COG2: variants seen among roughly 807,000 people sequenced by gnomAD.
COG2 encodes conserved oligomeric Golgi complex subunit 2.
Under a neutral mutation model 90.6 loss-of-function variants are expected in COG2, and 52 were observed. That is an observed-to-expected ratio of 0.57 (90% CI 0.46 to 0.72). COG2 has a LOEUF of 0.72. COG2 is among the 30% of genes least tolerant of loss of function. COG2 has a pLI of 0.00. For synonymous variants in COG2, 337 were observed against 320.4 expected, an observed-to-expected ratio of 1.05 and a Z score of -0.55; for missense variants, 829 against 891.2, an observed-to-expected ratio of 0.93 and a Z score of 0.89.
Position 230,671,764 on chromosome 1 carries a change from T to C in COG2, c.899+124T>C, listed in dbSNP as rs532526060. On this transcript the variant is annotated intron_variant, in intron 8 of 17. Transcript: ENST00000366669. ...GTCTTGTATGAATCCATTATGAATCTTGTTATTTCATTGTTTCTACTGGTG... is the reference window on the plus strand; with the variant it reads ...GTCTTGTATGAATCCATTATGAATCCTGTTATTTCATTGTTTCTACTGGTG... 2.6e-5 allele frequency: 23 copies of C among 874,318 alleles called. No homozygotes were observed. The East Asian group carries it at 5.4e-4, about 21-fold the overall frequency. 54.2% of individuals were successfully genotyped at this position (874,318 alleles called of 1,614,324 possible). A position where few individuals can be genotyped will look rare whatever the true frequency, so the allele number is the denominator to read the frequency against.
chr1:230,689,972 T>C lies in COG2; in HGVS notation c.1795-42T>C, dbSNP rs776701851. ...GGGTAACTTACTGTTTCTTTTCTGT[T>C]TTTTTCCTGTGCATCTTTATCTCCT... On this transcript the variant is annotated intron_variant, in intron 15 of 17. Transcript: ENST00000366669. The C allele has an allele frequency of 1.8e-5, 27 of 1,523,736 alleles. No homozygotes were observed. The African/African-American group carries it at 3.2e-4, about 18-fold the overall frequency. 94.4% of individuals were successfully genotyped at this position (1,523,736 alleles called of 1,614,324 possible).
intron 5 of COG2, among the ~76,000 whole-genome samples, chr1:230,667,146 C>G (rs1352512431): frequency 6.6e-6 from 1 of 152,146 alleles, no homozygotes; most frequent in Non-Finnish European, 1.5e-5. Flanking sequence ...CTATAAGGCC[C>G]CTGACATCTT....
At chr1:230,659,414 C>A in intron 1 of COG2, 50 bp from the exon 2 acceptor site, 1 of 1,401,138 alleles carries the variant, frequency 7.1e-7, no homozygotes, top group Non-Finnish European at 1.0e-6. Context: ...TTGTATATGT[C>A]ACTGTGATAT....
intron 2 of COG2, among the ~76,000 whole-genome samples, chr1:230,660,309 A>G (rs1303276556): frequency 6.6e-6 from 1 of 152,234 alleles, no homozygotes; most frequent in African/African-American, 2.4e-5. Context: ...TAGTAGGATT[A>G]GAAACCTAGA....
chr1:230,666,466 A>G (rs1662325964), intron 5 of COG2, among the ~76,000 whole-genome samples: 1 of 152,118 alleles, frequency 6.6e-6, no homozygotes, highest in Non-Finnish European at 1.5e-5. Context: ...TCTCTAGGAC[A>G]ACTAACCCTA....
chr1:230,674,606 G>A (rs1210454665), intron 8 of COG2, among the ~76,000 whole-genome samples: 2 of 152,242 alleles, frequency 1.3e-5, no homozygotes, highest in Non-Finnish European at 2.9e-5. Context: ...TTACAATGCT[G>A]TGTGGTTTAG....
At position 230,685,178 on chromosome 1, in the gene COG2, A is replaced by G. The variant is rs1315811243; in HGVS notation, c.1322A>G (p.His441Arg). Residue 441 changes from histidine to arginine, a missense_variant, in exon 12 of 18, where the codon CAT becomes CGT. Coordinates refer to ENST00000366669, the MANE Select transcript of COG2 (RefSeq NM_007357.3). ...GAGATGTTCTTGCCATTACTGGTGC[A>G]TCGCCTGTGGAGACTCACTCTGCAG... is the stretch of plus-strand genomic sequence containing the variant. Reference protein sequence around the residue: ...SDEMFLPLLVHRLWRLTLQIL... With the variant: ...SDEMFLPLLVRRLWRLTLQIL... The G allele has an allele frequency of 6.2e-7, 1 of 1,614,058 alleles. No individual in the cohort carries two copies. The highest frequency in any genetic ancestry group is 8.5e-7 in the Non-Finnish European group (1 of 1,180,034).
intron 16 of COG2, among the ~76,000 whole-genome samples, chr1:230,691,152 C>T (rs1663015168): frequency 6.6e-6 from 1 of 150,530 alleles, no homozygotes; most frequent in African/African-American, 2.5e-5. Context: ...ATGTTAGACA[C>T]TTAAGACCAT....
intron 13 of COG2, 177 bp from the exon 14 acceptor site, chr1:230,687,894 T>C (rs1662919650): frequency 1.3e-5 from 7 of 553,820 alleles, no homozygotes; most frequent in Non-Finnish European, 2.2e-5. Flanking sequence ...GTTGTTGAAA[T>C]CTTTTTATAG....
At chr1:230,661,629 ATAG>A (rs377707977) in intron 3 of COG2, 1 of 152,306 alleles carries the variant, frequency 6.6e-6, no homozygotes, top group Non-Finnish European at 1.5e-5. Context: ...TCCCTGGCAC[ATAG>A]TATGCTCACA....
At position 230,687,098 on chromosome 1, in the gene COG2, A is replaced by G. The variant is rs1214296298; in HGVS notation, c.1544A>G (p.Tyr515Cys). The G allele has an allele frequency of 1.2e-6, 2 of 1,613,166 alleles. No homozygotes were observed. Among genetic ancestry groups the G allele is most frequent in the African/African-American group, 1.3e-5 (1 of 75,050 alleles). The change falls in exon 13 of 18, where the codon TAT becomes TGT. Residue 515 changes from tyrosine (Y) to cysteine (C), a missense_variant. Physicochemically the swap from Tyr to Cys is radical, Grantham distance 194 (BLOSUM62 -2). Coordinates refer to ENST00000366669, the MANE Select transcript of COG2 (RefSeq NM_007357.3). ...TCCATTTCCCGCACTCAGCTCGTGT[A>G]TGTGGTTGCAGACCTGGACAAGCTT... is the stretch of plus-strand genomic sequence containing the variant. ...VVSISRTQLV[Y>C]VVADLDKLQE...
Position 230,690,000 on chromosome 1 carries a change from C to T in COG2, c.1795-14C>T. On this transcript the variant is annotated splice_polypyrimidine_tract_variant and intron_variant, in intron 15 of 17. Transcript: ENST00000366669. ...TTTCCTGTGCATCTTTATCTCCTAC[C>T]ATCATCATTCCAGGAGGTCCCAACC... The T allele has an allele frequency of 6.4e-7, 1 of 1,568,636 alleles. No homozygotes were observed. The highest frequency in any genetic ancestry group is 8.6e-7 in the Non-Finnish European group (1 of 1,159,934).
In COG2 at chr1:230,693,233, T is replaced by TCC. The variant is rs374730558; in HGVS notation, c.2116-52_2116-51dup. The TCC allele has an allele frequency of 1.7e-5, 16 of 969,428 alleles. No individual in the cohort carries two copies. The African/African-American group carries it at 1.7e-4, about 10-fold the overall frequency. The allele number at this position is 969,428 out of a possible 1,614,324, so 60.1% of individuals were successfully genotyped here. ...GGATGAAGATTTTCTTTCTTTTTTT[T>TCC]CCCCCCCCATATTCAGCTTGAATTG... On this transcript the variant is annotated intron_variant, in intron 17 of 17. Coordinates refer to ENST00000366669, the MANE Select transcript of COG2 (RefSeq NM_007357.3).
chr1:230,643,916 G>A (rs183833267), intron 1 of COG2, among the ~76,000 whole-genome samples: 1 of 152,186 alleles, frequency 6.6e-6, no homozygotes, highest in Non-Finnish European at 1.5e-5. Flanking sequence ...AAGGGTACAT[G>A]CTGGGGAGAG....
chr1:230,691,528 G>T lies in COG2; in HGVS notation c.2079G>T (p.Leu693=). The T allele has an allele frequency of 6.2e-7, 1 of 1,614,106 alleles. No individual in the cohort carries two copies. Among genetic ancestry groups the T allele is most frequent in the African/African-American group, 1.3e-5 (1 of 75,044 alleles). The change falls in exon 17 of 18, where the codon CTG becomes CTT. Residue 693 remains leucine (L), a synonymous_variant. Coordinates refer to ENST00000366669, the MANE Select transcript of COG2 (RefSeq NM_007357.3). ...TGAGCGACGACGACAAAATCAGGCT[G>T]CAGTTGGCCCTAGATGTTGAGTACT... is the stretch of plus-strand genomic sequence containing the variant. ...GGMSDDDKIR[L]QLALDVEYLG...
intron 15 of COG2, among the ~76,000 whole-genome samples, chr1:230,689,462 A>C (rs560395847): frequency 6.6e-6 from 1 of 152,318 alleles, no homozygotes; most frequent in East Asian, 1.9e-4. Flanking sequence ...GCATAGTCTT[A>C]TTATCCTCCT....
At chr1:230,660,554 G>A (rs1342791039) in intron 2 of COG2, among the ~76,000 whole-genome samples, 5 of 152,054 alleles carry the variant, frequency 3.3e-5, no homozygotes, top group Non-Finnish European at 5.9e-5. Context: ...TAGTTTTCAT[G>A]TACATCAAAG....
At chr1:230,655,043 C>G (rs1571944539) in intron 1 of COG2, among the ~76,000 whole-genome samples, 1 of 152,266 alleles carries the variant, frequency 6.6e-6, no homozygotes, top group East Asian at 1.9e-4. Flanking sequence ...CATCTGCAAA[C>G]AGAGACAATT....
chr1:230,691,487 G>C lies in COG2; in HGVS notation c.2038G>C (p.Gly680Arg). Reference sequence around the variant, plus strand: ...AAAAACCACTCCCGCCAACCCCGTCGGTCCCAGTGGTGGCATGAGCGACGA... The same window carrying C: ...AAAAACCACTCCCGCCAACCCCGTCCGTCCCAGTGGTGGCATGAGCGACGA... ...ARKTTPANPV[G>R]PSGGMSDDDK... Residue 680 changes from glycine (G) to arginine (R), a missense_variant, in exon 17 of 18, where the codon GGT (glycine) becomes CGT (arginine). Physicochemically the swap from Gly to Arg is moderately radical, Grantham distance 125. Transcript: ENST00000366669. 2 of 1,614,122 alleles carry C rather than the reference G, an allele frequency of 1.2e-6. No homozygotes were observed. Among genetic ancestry groups the C allele is most frequent in the Non-Finnish European group, 1.7e-6 (2 of 1,180,030 alleles).
Sources: gnomAD v4.1 joint callset for allele counts (sites outside exome capture counted in the v4.1 genomes callset) on GRCh38, gnomAD v4.1.1 for gene constraint, MANE v1.5 for transcripts, NCBI Gene and HGNC (gene_info 2026-07-23, HGNC 2026-07-21) for gene names.